Variants in NOS1 observed in about 807,000 individuals in gnomAD.
NOS1 encodes the protein nitric oxide synthase 1, also known as NOS type I.
NOS1 carries 51 observed loss-of-function variants against 164.5 expected under a neutral mutation model. The ratio of observed to expected loss-of-function variants is 0.31; its 90% CI spans 0.25 to 0.39. The LOEUF is 0.39. Among genes scored for constraint, NOS1 ranks in the 10% least tolerant of loss-of-function variants. The pLI is 1.00. For missense variants in NOS1, 1,362 were observed against 1,885.6 expected, an observed-to-expected ratio of 0.72 and a Z score of 5.14; for synonymous variants, 719 against 745.8, an observed-to-expected ratio of 0.96 and a Z score of 0.59.
At chr12:117,291,654 C>T (rs772628462) in intron 3 of NOS1, among the ~76,000 whole-genome samples, 1 of 151,170 alleles carries the variant, frequency 6.6e-6, no homozygotes, top group African/African-American at 2.4e-5. Context: ...CCACCTCACC[C>T]TCCCAAGTAG....
At chr12:117,278,601 T>G (rs551280809) in intron 8 of NOS1, among the ~76,000 whole-genome samples, 1 of 152,096 alleles carries the variant, frequency 6.6e-6, no homozygotes, top group South Asian at 2.1e-4. Flanking sequence ...CAGTATAAAA[T>G]GCATTTGTTA....
intron 3 of NOS1, among the ~76,000 whole-genome samples, chr12:117,307,994 AAAT>A (rs71444617): frequency 9.3e-5 from 14 of 149,778 alleles, no homozygotes; most frequent in East Asian, 8.0e-4. Context: ...GTCTCACAAT[AAAT>A]AATAATAATA....
chr12:117,316,896 AT>A (rs1874693524), intron 2 of NOS1, among the ~76,000 whole-genome samples: 1 of 152,038 alleles, frequency 6.6e-6, no homozygotes, highest in Admixed American at 6.6e-5. Context: ...TTATTATTTT[AT>A]TGAGACAGAG....
intron 17 of NOS1, 53 bp from the exon 18 acceptor site, chr12:117,247,575 G>T: frequency 1.3e-6 from 2 of 1,528,526 alleles, no homozygotes; most frequent in Non-Finnish European, 1.8e-6. Flanking sequence ...GGAATGTGGG[G>T]AGTGTCTGGT....
intron 3 of NOS1, among the ~76,000 whole-genome samples, chr12:117,303,405 A>G (rs1325445852): frequency 6.6e-6 from 1 of 152,172 alleles, no homozygotes. Flanking sequence ...GAAAGCAGCT[A>G]GCAAGCCCTG....
intron 2 of NOS1, among the ~76,000 whole-genome samples, chr12:117,319,506 A>AG: frequency 6.6e-6 from 1 of 152,208 alleles, no homozygotes; most frequent in East Asian, 1.9e-4. Flanking sequence ...AAGACAGGCT[A>AG]GTGAGGTCAA....
Position 117,272,508 on chromosome 12 carries a change from C to T in NOS1, c.1716G>A (p.Val572=), listed in dbSNP as rs749731239. ...LGLKWYGLPA[V]SNMLLEIGGL... ...CGCCAATCTCTAGGAGCATGTTGGA[C>T]ACGGCGGGGAGGCCGTACCACTTCA... The change falls in exon 10 of 29, where the codon GTG becomes GTA. Residue 572 remains valine (V), a synonymous_variant. Coordinates refer to ENST00000317775, the MANE Select transcript of NOS1 (RefSeq NM_000620.5). The surrounding 1 kb of genome is among the most constrained non-coding windows in gnomAD (Gnocchi z 4.3). 44 of 1,614,090 alleles carry T rather than the reference C, an allele frequency of 2.7e-5. No individual in the cohort carries two copies. In the Admixed American group the frequency reaches 5.3e-4, roughly 20 times the overall value.
chr12:117,302,157 C>T (rs1359173977), intron 3 of NOS1: 3 of 448,854 alleles, frequency 6.7e-6, no homozygotes, highest in Non-Finnish European at 9.0e-6. Context: ...TAGCACAGTA[C>T]CTGATATTGC....
At chr12:117,289,601 C>T (rs543129014) in intron 4 of NOS1, among the ~76,000 whole-genome samples, 1 of 152,188 alleles carries the variant, frequency 6.6e-6, no homozygotes, top group Non-Finnish European at 1.5e-5. Context: ...CCATGGTGGG[C>T]ACCTATCAAC....
rs757975550 is a variant in NOS1, at chr12:117,212,353, C to T, written c.*2956G>A. On this transcript the variant is annotated 3_prime_UTR_variant, in exon 29 of 29. Coordinates refer to ENST00000317775, the MANE Select transcript of NOS1 (RefSeq NM_000620.5). ...GCAGAATTAGGATTTGCACTCAGGT[C>T]GGCTCCCAAAATTCCATATTGATGG... The T allele has an allele frequency of 6.1e-6, 6 of 985,230 alleles. No individual in the cohort carries two copies. The highest frequency in any genetic ancestry group is 5.2e-4 in the Middle Eastern group (1 of 1,936). 61.0% of individuals were successfully genotyped at this position (985,230 alleles called of 1,614,324 possible). A position where few individuals can be genotyped will look rare whatever the true frequency, so the allele number is the denominator to read the frequency against.
chr12:117,253,758 C>T lies in NOS1; in HGVS notation c.2532-4G>A, dbSNP rs748307280. ...GTTGAATCGGACCTTGTAGCTCCTGCCAAAACCAAAGAGAACCTGTGAGCT... is the reference window on the plus strand; with the variant it reads ...GTTGAATCGGACCTTGTAGCTCCTGTCAAAACCAAAGAGAACCTGTGAGCT... On this transcript the variant is annotated splice_region_variant and splice_polypyrimidine_tract_variant and intron_variant, in intron 16 of 28. Coordinates refer to ENST00000317775, the MANE Select transcript of NOS1 (RefSeq NM_000620.5). The T allele has an allele frequency of 6.2e-7, 1 of 1,606,846 alleles. No individual in the cohort carries two copies. Among genetic ancestry groups the T allele is most frequent in the South Asian group, 1.1e-5 (1 of 90,918 alleles).
chr12:117,224,602 C>T (rs1441868998), intron 25 of NOS1, among the ~76,000 whole-genome samples: 1 of 152,198 alleles, frequency 6.6e-6, no homozygotes, highest in African/African-American at 2.4e-5. Flanking sequence ...CCTTGTTTAA[C>T]GCATGCCACA....
At position 117,330,526 on chromosome 12, in the gene NOS1, G is replaced by A. The variant is rs1398989481; in HGVS notation, c.544C>T (p.Pro182Ser). The part of the protein sequence containing the change: ...LPHANGLAPR[P>S]PGQDPAKKAT... ...TTCTTCGCGGGGTCCTGGCCTGGGG[G>A]CCTGGGGGCCAGGCCGTTGGCATGG... The change falls in exon 2 of 29, where the codon CCC (proline) becomes TCC (serine). Residue 182 changes from proline to serine, a missense_variant. Coordinates refer to ENST00000317775, the MANE Select transcript of NOS1 (RefSeq NM_000620.5). The surrounding 1 kb of genome is among the most constrained non-coding windows in gnomAD (Gnocchi z 4.6). The A allele has an allele frequency of 1.9e-6, 3 of 1,613,802 alleles. No individual in the cohort carries two copies. The highest frequency in any genetic ancestry group is 1.7e-5 in the Admixed American group (1 of 60,012).
At chr12:117,360,433 G>A (rs1877080480) in intron 1 of NOS1, among the ~76,000 whole-genome samples, 2 of 152,236 alleles carry the variant, frequency 1.3e-5, no homozygotes, top group African/African-American at 4.8e-5. Flanking sequence ...CCACTGCCCA[G>A]CCCCGAACCG....
At chr12:117,239,467 T>A (rs1354936243) in intron 20 of NOS1, among the ~76,000 whole-genome samples, 2 of 152,234 alleles carry the variant, frequency 1.3e-5, no homozygotes, top group Non-Finnish European at 2.9e-5. Flanking sequence ...TGTACGTGCA[T>A]TAGAAAATTT....
At chr12:117,227,927 A>T (rs1292081397) in intron 22 of NOS1, among the ~76,000 whole-genome samples, 1 of 151,952 alleles carries the variant, frequency 6.6e-6, no homozygotes, top group African/African-American at 2.4e-5. Context: ...GTTTCTTGGG[A>T]GGATGAGGTG....
rs559166811 is a variant in NOS1 at position 117,240,427 on chromosome 12, C to T, written c.3041+2200G>A. On this transcript the variant is annotated intron_variant, in intron 20 of 28. Transcript: ENST00000317775. Reference sequence around the variant, plus strand: ...ATGAAGCAGGGATGGATAAGGAATACGGATGGGACTCTATGATATGCTAGT... The same window carrying T: ...ATGAAGCAGGGATGGATAAGGAATATGGATGGGACTCTATGATATGCTAGT... Among the ~76,000 whole-genome samples the T allele has an allele frequency of 4.6e-5, 7 of 152,258 alleles. No individual in the cohort carries two copies. In the East Asian group the frequency reaches 5.8e-4, roughly 13 times the overall value.
chr12:117,274,240 A>G (rs1351064647), intron 9 of NOS1, among the ~76,000 whole-genome samples: 1 of 152,214 alleles, frequency 6.6e-6, no homozygotes, highest in Non-Finnish European at 1.5e-5. Context: ...CATCAGGGAT[A>G]TGCAAACGAA....
chr12:117,246,862 T>C (rs1870657018), intron 18 of NOS1, among the ~76,000 whole-genome samples: 1 of 152,252 alleles, frequency 6.6e-6, no homozygotes, highest in Non-Finnish European at 1.5e-5. Context: ...CCACATTTTA[T>C]TTACCCATTC....
Sources: allele counts gnomAD v4.1 joint callset (sites outside exome capture counted in the v4.1 genomes callset), GRCh38; gene constraint gnomAD v4.1.1; non-coding constraint Gnocchi (gnomAD v3.1); transcripts MANE v1.5; gene names NCBI Gene and HGNC (gene_info 2026-07-23, HGNC 2026-07-21).